Variants in HIBCH observed in about 807,000 individuals in gnomAD.
The protein encoded by HIBCH is 3-hydroxyisobutyryl-CoA hydrolase.
A neutral mutation model predicts 58.2 loss-of-function variants in HIBCH; 50 were observed. The ratio of observed to expected loss-of-function variants is 0.86; its 90% confidence interval spans 0.68 to 1.09. HIBCH has a LOEUF of 1.09. Among genes scored for constraint, HIBCH ranks in the 50% least tolerant of loss-of-function variants. The pLI, the probability that HIBCH is intolerant of heterozygous loss-of-function variation, is 0.00. For missense variants in HIBCH, 450 were observed against 449.7 expected (o/e 1.00, Z -0.01); for synonymous variants, 151 against 146.9 (o/e 1.03, Z -0.20).
At chr2:190,208,398 A>G (rs1191090325) in intron 13 of HIBCH, among the ~76,000 whole-genome samples, 1 of 152,218 alleles carries the variant, frequency 6.6e-6, no homozygotes, top group African/African-American at 2.4e-5. Context: ...TACAAGCTCA[A>G]TGCTGCACTT....
At chr2:190,292,462 G>A (rs147519940) in intron 4 of HIBCH, among the ~76,000 whole-genome samples, 3,408 of 152,246 alleles carry the variant, frequency 0.022, 53 homozygotes, top group Non-Finnish European at 0.032. Flanking sequence ...ATGCCGCCAT[G>A]CCCAGCTAAT....
intron 7 of HIBCH, 55 bp downstream of exon 7, chr2:190,261,101 A>T (rs1478647817): frequency 7.9e-7 from 1 of 1,271,910 alleles, no homozygotes; most frequent in Admixed American, 1.7e-5. Flanking sequence ...ACTCTGAAAC[A>T]TATCAAAAGA....
At chr2:190,308,541 T>C (rs1688474902) in intron 2 of HIBCH, among the ~76,000 whole-genome samples, 1 of 152,156 alleles carries the variant, frequency 6.6e-6, no homozygotes, top group Non-Finnish European at 1.5e-5. Context: ...TGTAGGTTTA[T>C]AAGAGGAAGA....
intron 11 of HIBCH, among the ~76,000 whole-genome samples, chr2:190,238,164 T>C (rs979248971): frequency 1.3e-5 from 2 of 152,314 alleles, no homozygotes; most frequent in Admixed American, 1.3e-4. Flanking sequence ...TAGAATGATT[T>C]ATAATCCTAT....
At position 190,306,822 on chromosome 2, in the gene HIBCH, C is replaced by T. The variant is rs1407377027; in HGVS notation, c.78+3932G>A. On this transcript the variant is annotated intron_variant, in intron 2 of 13. Coordinates refer to ENST00000359678, the MANE Select transcript of HIBCH (RefSeq NM_014362.4). This position sits in a 1 kb window ranked among gnomAD's most constrained non-coding sequence, Gnocchi z 4.6. Reference sequence around the variant, plus strand: ...CCTTTGAGAGGTAATTAGGTCATGTCAGCCCTCATGAATGAGATTAACGCC... The same window carrying T: ...CCTTTGAGAGGTAATTAGGTCATGTTAGCCCTCATGAATGAGATTAACGCC... 6.6e-6 allele frequency among the ~76,000 whole-genome samples: 1 copy of T among 152,144 alleles called. No individual in the cohort carries two copies. Among genetic ancestry groups the T allele is most frequent in the Non-Finnish European group, 1.5e-5 (1 of 68,012 alleles).
rs80140700 is a variant in HIBCH at position 190,191,932 on chromosome 2, GT to G, written c.*18-1936del. On this transcript the variant is annotated intron_variant, in intron 1 of 1. Transcript: ENST00000399855. Reference sequence around the variant, plus strand: ...GTTTTTTTTTCAATCTTTTAACTGTGTTTTTTTTTCCAGAGCAAATCTTTTT... The same window carrying G: ...GTTTTTTTTTCAATCTTTTAACTGTGTTTTTTTTCCAGAGCAAATCTTTTT... Among the ~76,000 whole-genome samples the G allele has an allele frequency of 3.6e-3, 525 of 147,696 alleles. 1 individual carries two copies. Among genetic ancestry groups the G allele is most frequent in the African/African-American group, 0.012 (495 of 40,270 alleles).
At chr2:190,310,610 T>C in intron 2 of HIBCH, 144 bp downstream of exon 2, 1 of 745,474 alleles carries the variant, frequency 1.3e-6, no homozygotes, top group Non-Finnish European at 2.5e-6. Context: ...AAGGTGCGTG[T>C]GCCATGTCTT....
intron 11 of HIBCH, among the ~76,000 whole-genome samples, chr2:190,218,882 C>G (rs945047002): frequency 6.6e-6 from 1 of 152,174 alleles, no homozygotes; most frequent in African/African-American, 2.4e-5. Context: ...ATAAACCACT[C>G]CTCTTGCCTC....
chr2:190,204,829 T>C lies in HIBCH; in HGVS notation c.*288A>G, dbSNP rs1261764137. 1.3e-5 allele frequency: 4 copies of C among 303,516 alleles called. No homozygotes were observed. Among genetic ancestry groups the C allele is most frequent in the South Asian group, 9.0e-5 (2 of 22,296 alleles). The allele number at this position is 303,516 out of a possible 1,614,324, so 18.8% of individuals were successfully genotyped here. A position where few individuals can be genotyped will look rare whatever the true frequency, so the allele number is the denominator to read the frequency against. On this transcript the variant is annotated 3_prime_UTR_variant, in exon 14 of 14. Coordinates refer to ENST00000359678, the MANE Select transcript of HIBCH (RefSeq NM_014362.4). ...TGACAAAAACCAGACAGTAAATAAT[T>C]AGGCTTTGTAGGCTTTACCATCTCT...
intron 11 of HIBCH, among the ~76,000 whole-genome samples, chr2:190,220,836 C>T (rs1685698956): frequency 6.6e-6 from 1 of 152,044 alleles, no homozygotes; most frequent in Non-Finnish European, 1.5e-5. Context: ...GTGACATGAC[C>T]ACTTTCTGGC....
At chr2:190,200,256 G>T (rs1464312596), downstream of HIBCH, 11 of 878,852 alleles carry the variant, frequency 1.3e-5, no homozygotes, top group Non-Finnish European at 2.0e-5. Flanking sequence ...ATTTAAAAAT[G>T]TGTCTACGAT....
chr2:190,263,730 A>G (rs1170739042), intron 6 of HIBCH, among the ~76,000 whole-genome samples: 1 of 152,198 alleles, frequency 6.6e-6, no homozygotes, highest in Admixed American at 6.5e-5. Context: ...CTCTGTCTTC[A>G]TCTCAGTAAA....
At chr2:190,200,075 A>G, downstream of HIBCH, 1 of 1,614,102 alleles carries the variant, frequency 6.2e-7, no homozygotes, top group Non-Finnish European at 8.5e-7. Context: ...ATCTTGTGTG[A>G]TGCCTTGCAG....
Position 190,205,086 on chromosome 2 carries a change from G to T in HIBCH, c.*31C>A. ...CACATGCTGTAGATTGCCAACCCAT[G>T]CTACAAAATATACCTTAAAAGCCTG... On this transcript the variant is annotated 3_prime_UTR_variant, in exon 14 of 14. Coordinates refer to ENST00000359678, the MANE Select transcript of HIBCH (RefSeq NM_014362.4). The T allele has an allele frequency of 1.6e-6, 2 of 1,254,814 alleles. No individual in the cohort carries two copies. Among genetic ancestry groups the T allele is most frequent in the Non-Finnish European group, 2.3e-6 (2 of 858,244 alleles). 77.7% of individuals were successfully genotyped at this position (1,254,814 alleles called of 1,614,324 possible). A position where few individuals can be genotyped will look rare whatever the true frequency, so the allele number is the denominator to read the frequency against.
rs1312832516 is a variant in HIBCH at position 190,213,000 on chromosome 2, G to T, written c.967C>A (p.Gln323Lys). ...CGATACTCCATAGTTAGTACTTCTTGCAAGGTCTTTGAAGACCCCTCCATG... is the reference window on the plus strand; with the variant it reads ...CGATACTCCATAGTTAGTACTTCTTTCAAGGTCTTTGAAGACCCCTCCATG... ...QLMEGSSKTLQEVLTMEYRLS... is the reference protein window; with the variant it reads ...QLMEGSSKTLKEVLTMEYRLS... Residue 323 changes from glutamine to lysine, a missense_variant, in exon 12 of 14, where the codon CAA becomes AAA. Coordinates refer to ENST00000359678, the MANE Select transcript of HIBCH (RefSeq NM_014362.4). 4 of 1,611,284 alleles carry T rather than the reference G, an allele frequency of 2.5e-6. No homozygotes were observed. The highest frequency in any genetic ancestry group is 2.2e-5 in the East Asian group (1 of 44,798).
chr2:190,259,319 A>ATGTGTG (rs370172555), intron 7 of HIBCH, among the ~76,000 whole-genome samples: 13,961 of 121,794 alleles, frequency 0.11, 999 homozygotes, highest in South Asian at 0.16. Context: ...CAGTATACAG[A>ATGTGTG]TGTGTGTGTG....
intron 6 of HIBCH, among the ~76,000 whole-genome samples, chr2:190,274,792 A>G (rs1489048513): frequency 6.6e-6 from 1 of 152,216 alleles, no homozygotes; most frequent in Non-Finnish European, 1.5e-5. Context: ...CATGGTAAAT[A>G]AGAGAAACGA....
chr2:190,237,268 A>G (rs919485516), intron 11 of HIBCH, among the ~76,000 whole-genome samples: 1 of 152,188 alleles, frequency 6.6e-6, no homozygotes, highest in Non-Finnish European at 1.5e-5. Flanking sequence ...TTCTATTCAA[A>G]TACTTTTATC....
chr2:190,269,149 A>G (rs1007577193), intron 6 of HIBCH, among the ~76,000 whole-genome samples: 1 of 152,242 alleles, frequency 6.6e-6, no homozygotes, highest in South Asian at 2.1e-4. Context: ...AATCTAGGCA[A>G]TACCATTCAG....
Sources: gnomAD v4.1 joint callset for allele counts (sites outside exome capture counted in the v4.1 genomes callset) on GRCh38, gnomAD v4.1.1 for gene constraint, Gnocchi (gnomAD v3.1) non-coding constraint, MANE v1.5 for transcripts, NCBI Gene and HGNC (gene_info 2026-07-23, HGNC 2026-07-21) for gene names.